Variants in TPI1 observed in about 807,000 individuals in gnomAD.
The protein encoded by TPI1 is triosephosphate isomerase 1, also known as triosephosphate isomerase.
Under a neutral mutation model 31.0 loss-of-function variants are expected in TPI1, and 11 were observed. That is an observed-to-expected ratio of 0.36 (90% CI 0.22 to 0.59). TPI1 has a LOEUF of 0.59. TPI1 is among the 20% of genes least tolerant of loss of function. The probability of loss-of-function intolerance (pLI) is 0.79; values close to 1 mark genes in which losing one functional copy is unlikely to be tolerated. For synonymous variants in TPI1, 121 were observed against 122.8 expected, an observed-to-expected ratio of 0.99 and a Z score of 0.10; for missense variants, 245 against 319.7, an observed-to-expected ratio of 0.77 and a Z score of 1.78.
intron 1 of TPI1, chr12:6,868,091 G>T (rs1336149718): frequency 3.2e-6 from 4 of 1,242,950 alleles, no homozygotes; most frequent in Admixed American, 5.6e-5. Context: ...GCCGCCGCAC[G>T]TAGCCCCAGA....
rs1944490949 is a variant in TPI1 at position 6,867,792 on chromosome 12, C to G, written c.115+111C>G. On this transcript the variant is annotated intron_variant, in intron 1 of 6. Coordinates refer to ENST00000396705, the MANE Select transcript of TPI1 (RefSeq NM_000365.6). ...CCCCGAGGCCGGTATCCGCGCGGAC[C>G]TGATGCAGGGCTGTGGGACGAGGGC... The G allele has an allele frequency of 2.5e-6, 3 of 1,200,632 alleles. No individual in the cohort carries two copies. The East Asian group carries it at 8.2e-5, about 33-fold the overall frequency. The allele number at this position is 1,200,632 out of a possible 1,614,324, so 74.4% of individuals were successfully genotyped here. A position where few individuals can be genotyped will look rare whatever the true frequency, so the allele number is the denominator to read the frequency against.
At chr12:6,870,021 T>C (rs782476724) in intron 5 of TPI1, 28 bp from the exon 6 acceptor site, 1 of 1,613,436 alleles carries the variant, frequency 6.2e-7, no homozygotes, top group Non-Finnish European at 8.5e-7. Context: ...GCAGAAAAGG[T>C]CTTACTTAGG....
rs782408306 is a variant in TPI1, at chr12:6,867,785, C to T, written c.115+104C>T. 5.6e-6 allele frequency: 7 copies of T among 1,246,044 alleles called. No individual in the cohort carries two copies. The South Asian group carries it at 8.0e-5, about 14-fold the overall frequency. 77.2% of individuals were successfully genotyped at this position (1,246,044 alleles called of 1,614,324 possible). A position where few individuals can be genotyped will look rare whatever the true frequency, so the allele number is the denominator to read the frequency against. On this transcript the variant is annotated intron_variant, in intron 1 of 6. Coordinates refer to ENST00000396705, the MANE Select transcript of TPI1 (RefSeq NM_000365.6). ...CCCGAGGCCCCGAGGCCGGTATCCG[C>T]GCGGACCTGATGCAGGGCTGTGGGA...
chr12:6,869,510 G>T, intron 4 of TPI1, 120 bp downstream of exon 4: 1 of 1,543,942 alleles, frequency 6.5e-7, no homozygotes, highest in Non-Finnish European at 8.9e-7. Flanking sequence ...AAAGGGGAGG[G>T]GGAGTGACAA....
chr12:6,867,636 G>C lies in TPI1; in HGVS notation c.70G>C (p.Glu24Gln). 1 of 1,612,610 alleles carries C rather than the reference G, an allele frequency of 6.2e-7. No individual in the cohort carries two copies. Among genetic ancestry groups the C allele is most frequent in the Non-Finnish European group, 8.5e-7 (1 of 1,179,624 alleles). Reference protein sequence around the residue: ...KMNGRKQSLGELIGTLNAAKV... With the variant: ...KMNGRKQSLGQLIGTLNAAKV... ...GAACGGGCGGAAGCAGAGTCTGGGGGAGCTCATCGGCACTCTGAACGCGGC... is the reference window on the plus strand; with the variant it reads ...GAACGGGCGGAAGCAGAGTCTGGGGCAGCTCATCGGCACTCTGAACGCGGC... The change falls in exon 1 of 7, where the codon GAG (glutamate) becomes CAG (glutamine). Residue 24 changes from glutamate (E) to glutamine (Q), a missense_variant. By Grantham distance (29) the Glu-to-Gln change is conservative (BLOSUM62 2). Coordinates refer to ENST00000396705, the MANE Select transcript of TPI1 (RefSeq NM_000365.6).
Position 6,867,562 on chromosome 12 carries a change from G to C in TPI1, c.-5G>C. On this transcript the variant is annotated 5_prime_UTR_variant, in exon 1 of 7. Transcript: ENST00000396705. ...ACTGACCTTCAGCGCCTCGGCTCCA[G>C]CGCCATGGCGCCCTCCAGGAAGTTC... 3 of 1,612,098 alleles carry C rather than the reference G, an allele frequency of 1.9e-6. No individual in the cohort carries two copies. The highest frequency in any genetic ancestry group is 2.5e-6 in the Non-Finnish European group (3 of 1,179,514).
rs782063657 is a variant in TPI1 at position 6,867,561 on chromosome 12, A to G, written c.-6A>G. On this transcript the variant is annotated 5_prime_UTR_variant, in exon 1 of 7. Coordinates refer to ENST00000396705, the MANE Select transcript of TPI1 (RefSeq NM_000365.6). ...CACTGACCTTCAGCGCCTCGGCTCC[A>G]GCGCCATGGCGCCCTCCAGGAAGTT... 9.9e-6 allele frequency: 16 copies of G among 1,611,900 alleles called. No individual in the cohort carries two copies. The Admixed American group carries it at 1.8e-4, about 19-fold the overall frequency.
chr12:6,868,635 G>A, intron 1 of TPI1: 1 of 1,348,078 alleles, frequency 7.4e-7, no homozygotes, highest in Non-Finnish European at 9.9e-7. Context: ...GCAGAGGGCA[G>A]GGTGAGGGCC....
At chr12:6,867,530 C>G (rs375321131), upstream of TPI1, 1 of 1,602,840 alleles carries the variant, frequency 6.2e-7, no homozygotes, top group African/African-American at 1.3e-5. Context: ...CGCGACTGCG[C>G]GCAGACACTG....
At chr12:6,868,120 G>A in intron 1 of TPI1, 1 of 1,272,906 alleles carries the variant, frequency 7.9e-7, no homozygotes, top group Non-Finnish European at 1.0e-6. Context: ...CTTCCTCGCC[G>A]GCGTCCGCGT....
rs782526244 is a variant in TPI1 at position 6,869,702 on chromosome 12, T to G, written c.472T>G (p.Trp158Gly). Residue 158 changes from tryptophan (W) to glycine (G), a missense_variant, in exon 5 of 7, where the codon TGG (tryptophan) becomes GGG (glycine). Physicochemically the swap from Trp to Gly is radical, Grantham distance 184 (BLOSUM62 -2). This residue lies in a region of TPI1 where 127 missense variants were observed against 163.7 expected (regional missense o/e 0.78). Transcript: ENST00000396705. ...TKVIADNVKD[W>G]SKVVLAYEPV... is the part of the protein sequence containing the mutation. ...CTGCCCTGCAGATAACGTGAAGGACTGGAGCAAGGTCGTCCTGGCCTATGA... is the reference window on the plus strand; with the variant it reads ...CTGCCCTGCAGATAACGTGAAGGACGGGAGCAAGGTCGTCCTGGCCTATGA... 1.2e-6 allele frequency: 2 copies of G among 1,614,110 alleles called. No individual in the cohort carries two copies. Among genetic ancestry groups the G allele is most frequent in the African/African-American group, 1.3e-5 (1 of 74,934 alleles).
intron 2 of TPI1, 29 bp downstream of exon 2, chr12:6,869,016 G>C: frequency 6.2e-7 from 1 of 1,614,024 alleles, no homozygotes; most frequent in Non-Finnish European, 8.5e-7. Flanking sequence ...GGGGTGTGTG[G>C]GACCCTTCCC....
At chr12:6,868,420 C>T in intron 1 of TPI1, 3 of 1,289,168 alleles carry the variant, frequency 2.3e-6, no homozygotes, top group African/African-American at 3.0e-5. Flanking sequence ...AGAGGCATCC[C>T]CTTCTCGTTC....
Position 6,868,938 on chromosome 12 carries a change from G to T in TPI1, c.190G>T (p.Ala64Ser), listed in dbSNP as rs782469528. Reference protein sequence around the residue: ...QKLDPKIAVAAQNCYKVTNGA... With the variant: ...QKLDPKIAVASQNCYKVTNGA... The stretch of plus-strand genomic sequence containing the variant: ...GCTAGATCCCAAGATTGCTGTGGCT[G>T]CGCAGAACTGCTACAAAGTGACTAA... The change falls in exon 2 of 7, where the codon GCG becomes TCG. Residue 64 changes from alanine to serine, a missense_variant. Transcript: ENST00000396705. 6.2e-7 allele frequency: 1 copy of T among 1,614,200 alleles called. No homozygotes were observed. Among genetic ancestry groups the T allele is most frequent in the South Asian group, 1.1e-5 (1 of 91,088 alleles).
rs1944531685 is a variant in TPI1 at position 6,869,348 on chromosome 12, A to T, written c.415A>T (p.Ile139Phe). 6.2e-7 allele frequency: 1 copy of T among 1,614,030 alleles called. No individual in the cohort carries two copies. The highest frequency in any genetic ancestry group is 1.7e-5 in the Admixed American group (1 of 59,996). The change falls in exon 4 of 7, where the codon ATC becomes TTC. Residue 139 changes from isoleucine to phenylalanine, a missense_variant. Physicochemically the swap from Ile to Phe is conservative, Grantham distance 21 (BLOSUM62 0). Transcript: ENST00000396705. ...GEKLDEREAG[I>F]TEKVVFEQTK... ...GAAGCTAGATGAAAGGGAAGCTGGC[A>T]TCACTGAGAAGGTTGTTTTCGAGCA...
intron 6 of TPI1, 51 bp downstream of exon 6, chr12:6,870,187 G>A: frequency 6.3e-7 from 1 of 1,591,588 alleles, no homozygotes; most frequent in Non-Finnish European, 8.6e-7. Context: ...GGACTAGACT[G>A]AGCCCTCGGA....
At chr12:6,867,811 C>T (rs1944491273) in intron 1 of TPI1, 130 bp downstream of exon 1, 6 of 1,034,586 alleles carry the variant, frequency 5.8e-6, no homozygotes, top group South Asian at 3.8e-5. Context: ...GGCTGTGGGA[C>T]GAGGGCCGCT....
chr12:6,867,785 C>G (rs782408306), intron 1 of TPI1, 104 bp downstream of exon 1: 7 of 1,245,932 alleles, frequency 5.6e-6, no homozygotes, highest in Non-Finnish European at 7.6e-6. Flanking sequence ...CCGGTATCCG[C>G]GCGGACCTGA....
At chr12:6,869,537 A>G (rs1418475677) in intron 4 of TPI1, 147 bp downstream of exon 4, 5 of 1,483,922 alleles carry the variant, frequency 3.4e-6, no homozygotes, top group Admixed American at 3.4e-5. Flanking sequence ...CTTGGGGCCT[A>G]TGACTTCTCC....
Sources: gnomAD v4.1 joint callset for allele counts on GRCh38, gnomAD v4.1.1 for gene constraint, gnomAD v4.1.1 regional missense constraint, MANE v1.5 for transcripts, NCBI Gene and HGNC (gene_info 2026-07-23, HGNC 2026-07-21) for gene names.